Variants in USP8 observed in about 807,000 individuals in gnomAD.
USP8 encodes ubiquitin specific peptidase 8.
A neutral mutation model predicts 130.0 loss-of-function variants in USP8; 27 were observed. That is an observed-to-expected ratio of 0.21 (90% confidence interval 0.15 to 0.29). The LOEUF (loss-of-function observed/expected upper bound fraction) is 0.29. USP8 is among the 10% of genes least tolerant of loss of function. The pLI, the probability that USP8 is intolerant of heterozygous loss-of-function variation, is 1.00. For missense variants in USP8, 1,029 were observed against 1,312.2 expected, an observed-to-expected ratio of 0.78 and a Z score of 3.33; for synonymous variants, 392 against 444.1, an observed-to-expected ratio of 0.88 and a Z score of 1.48.
chr15:50,454,573 A>G (rs149850612), intron 4 of USP8, among the ~76,000 whole-genome samples: 3 of 148,754 alleles, frequency 2.0e-5, no homozygotes, highest in African/African-American at 7.5e-5. Flanking sequence ...CTCCTATCTT[A>G]GCCTCCCAAG....
intron 1 of USP8, chr15:50,432,321 C>T (rs1216260721): frequency 6.6e-6 from 1 of 152,150 alleles, no homozygotes; most frequent in African/African-American, 2.4e-5. Flanking sequence ...CCATTTCTCC[C>T]TATCTCTGCC....
rs775949675 is a variant in USP8 at position 50,505,151 on chromosome 15, AT to A, written c.*6065del. ...GAATCGAGTAGGGGAGCAAGGCAAT[AT>A]TAAAAGTGATAATGGCTGAAAATGA... On this transcript the variant is annotated 3_prime_UTR_variant, in exon 20 of 20. Coordinates refer to ENST00000307179, the MANE Select transcript of USP8 (RefSeq NM_005154.5). The A allele has an allele frequency of 2.0e-5, 3 of 152,182 alleles. No individual in the cohort carries two copies. The highest frequency in any genetic ancestry group is 4.4e-5 in the Non-Finnish European group (3 of 68,026). 9.4% of individuals were successfully genotyped at this position (152,182 alleles called of 1,614,324 possible).
intron 1 of USP8, among the ~76,000 whole-genome samples, chr15:50,434,457 A>G (rs2050035137): frequency 6.6e-6 from 1 of 151,852 alleles, no homozygotes; most frequent in Non-Finnish European, 1.5e-5. Flanking sequence ...CTTTTGGAGC[A>G]CTGCTGTTTG....
At chr15:50,485,224 T>C (rs1251180638) in intron 12 of USP8, among the ~76,000 whole-genome samples, 1 of 151,806 alleles carries the variant, frequency 6.6e-6, no homozygotes, top group Non-Finnish European at 1.5e-5. Context: ...GGCAGGCAGA[T>C]CACGAGGTCA....
chr15:50,461,607 C>T (rs2051008717), intron 5 of USP8, among the ~76,000 whole-genome samples: 1 of 152,162 alleles, frequency 6.6e-6, no homozygotes, highest in Non-Finnish European at 1.5e-5. Flanking sequence ...ATAATCCCAG[C>T]ACTTTGGGAG....
In USP8 at chr15:50,513,864, T is replaced by C. The variant is rs1274294571; in HGVS notation, c.*14776T>C. On this transcript the variant is annotated 3_prime_UTR_variant, in exon 20 of 20. Coordinates refer to ENST00000307179, the MANE Select transcript of USP8 (RefSeq NM_005154.5). ...CGCTTTGGAAAGCTACTGAGCAGTATGTACTAAAGCCAGACATATGCGTAT... is the reference window on the plus strand; with the variant it reads ...CGCTTTGGAAAGCTACTGAGCAGTACGTACTAAAGCCAGACATATGCGTAT... 3 of 152,196 alleles carry C rather than the reference T, an allele frequency of 2.0e-5. No individual in the cohort carries two copies. The highest frequency in any genetic ancestry group is 4.8e-5 in the African/African-American group (2 of 41,448). 9.4% of individuals were successfully genotyped at this position (152,196 alleles called of 1,614,324 possible). A position where few individuals can be genotyped will look rare whatever the true frequency, so the allele number is the denominator to read the frequency against.
chr15:50,492,646 C>G, intron 14 of USP8, 55 bp from the exon 15 acceptor site: 1 of 1,577,748 alleles, frequency 6.3e-7, no homozygotes, highest in Non-Finnish European at 8.6e-7. Flanking sequence ...AGTATAGAAC[C>G]TTAATTTCAT....
intron 12 of USP8, among the ~76,000 whole-genome samples, chr15:50,485,449 C>CA (rs71424070): frequency 0.27 from 31,160 of 116,336 alleles, 3,531 homozygotes; most frequent in Middle Eastern, 0.37. Context: ...GACTCCATTT[C>CA]AAAAAAAAAA....
chr15:50,451,118 A>C (rs1343803738), intron 4 of USP8, among the ~76,000 whole-genome samples: 1 of 152,144 alleles, frequency 6.6e-6, no homozygotes, highest in East Asian at 1.9e-4. Context: ...TGTATTTAAA[A>C]ATATTCTGAC....
intron 1 of USP8, among the ~76,000 whole-genome samples, chr15:50,437,416 CTT>C (rs1437154522): frequency 6.6e-6 from 1 of 152,058 alleles, no homozygotes; most frequent in Non-Finnish European, 1.5e-5. Context: ...GATTTTTAAA[CTT>C]TATATAGAGT....
chr15:50,483,046 C>G (rs2051831145), intron 11 of USP8, among the ~76,000 whole-genome samples: 2 of 152,330 alleles, frequency 1.3e-5, no homozygotes, highest in South Asian at 2.1e-4. Flanking sequence ...ATTTTATTCA[C>G]AGGAGGAGCA....
At chr15:50,462,509 T>TG (rs1220124353) in intron 6 of USP8, among the ~76,000 whole-genome samples, 187 bp downstream of exon 6, 1 of 152,186 alleles carries the variant, frequency 6.6e-6, no homozygotes, top group Admixed American at 6.6e-5. Context: ...GTATTTATCA[T>TG]GGGGGGATAT....
rs1266729830 is a variant in USP8, at chr15:50,502,406, T to C, written c.*3318T>C. On this transcript the variant is annotated 3_prime_UTR_variant, in exon 20 of 20. Coordinates refer to ENST00000307179, the MANE Select transcript of USP8 (RefSeq NM_005154.5). ...TTATTTGAGACAGAGTCTTGCTCTGTTGCCCAGGCTGGAGTGCAGTGACGT... is the reference window on the plus strand; with the variant it reads ...TTATTTGAGACAGAGTCTTGCTCTGCTGCCCAGGCTGGAGTGCAGTGACGT... The C allele has an allele frequency of 6.6e-6, 1 of 152,310 alleles. No individual in the cohort carries two copies. Among genetic ancestry groups the C allele is most frequent in the Non-Finnish European group, 1.5e-5 (1 of 68,172 alleles). The allele number at this position is 152,310 out of a possible 1,614,324, so 9.4% of individuals were successfully genotyped here.
chr15:50,441,252 G>C (rs2050250479), intron 2 of USP8, 97 bp from the exon 3 acceptor site: 1 of 1,216,632 alleles, frequency 8.2e-7, no homozygotes, highest in Non-Finnish European at 1.1e-6. Flanking sequence ...CTGGGGTTGG[G>C]GATCCCTGAT....
chr15:50,444,164 C>T (rs1437865848), intron 3 of USP8, among the ~76,000 whole-genome samples: 1 of 142,730 alleles, frequency 7.0e-6, no homozygotes, highest in African/African-American at 2.6e-5. Context: ...AGCGCGATGG[C>T]ATGATTTTGG....
In USP8 at chr15:50,477,091, A is replaced by G. The variant is rs2051592844; in HGVS notation, c.994+98A>G. 3 of 1,479,392 alleles carry G rather than the reference A, an allele frequency of 2.0e-6. No individual in the cohort carries two copies. The South Asian group carries it at 3.8e-5, about 19-fold the overall frequency. 91.6% of individuals were successfully genotyped at this position (1,479,392 alleles called of 1,614,324 possible). On this transcript the variant is annotated intron_variant, in intron 9 of 19. Transcript: ENST00000307179. The stretch of plus-strand genomic sequence containing the variant: ...TCTTGGTTGTGTGTGTATTTGTCCT[A>G]TTAGAGAGCAGTTTGTTTTCAGGCA...
At chr15:50,433,199 A>G (rs2049984001) in intron 1 of USP8, among the ~76,000 whole-genome samples, 2 of 151,674 alleles carry the variant, frequency 1.3e-5, no homozygotes, top group African/African-American at 4.8e-5. Flanking sequence ...ATGCCACTGC[A>G]CTCCAGCTTG....
chr15:50,487,384 C>G (rs576919871), intron 12 of USP8, among the ~76,000 whole-genome samples: 143 of 151,616 alleles, frequency 9.4e-4, no homozygotes, highest in Admixed American at 2.3e-3. Flanking sequence ...GAGAGAGAGA[C>G]ACACACACAT....
intron 8 of USP8, 31 bp from the exon 9 acceptor site, chr15:50,476,818 C>G: frequency 6.6e-7 from 1 of 1,521,226 alleles, no homozygotes; most frequent in South Asian, 1.3e-5. Flanking sequence ...AGATTGCTGC[C>G]CTATTTAAAA....
Sources: gnomAD v4.1 joint callset for allele counts (sites outside exome capture counted in the v4.1 genomes callset) on GRCh38, gnomAD v4.1.1 for gene constraint, MANE v1.5 for transcripts, NCBI Gene and HGNC (gene_info 2026-07-23, HGNC 2026-07-21) for gene names.